Variants in NECTIN1 observed in about 807,000 individuals in gnomAD.
NECTIN1 encodes the protein nectin cell adhesion molecule 1, also known as nectin-1.
NECTIN1 carries 23 observed loss-of-function variants against 48.0 expected under a neutral mutation model. The ratio of observed to expected loss-of-function variants is 0.48; its 90% CI spans 0.34 to 0.68. The LOEUF is 0.68. Among genes scored for constraint, NECTIN1 ranks in the 30% least tolerant of loss-of-function variants. The pLI is 0.01. For synonymous variants in NECTIN1, 270 were observed against 288.9 expected (o/e 0.93, Z 0.66); for missense variants, 591 against 709.9 (o/e 0.83, Z 1.90).
chr11:119,638,215 C>A, exon 8 of NECTIN1: 1 of 1,614,006 alleles, frequency 6.2e-7, no homozygotes, highest in Non-Finnish European at 8.5e-7. Context: ...CCTCTTCTTG[C>A]TGCTGCTGCC....
In NECTIN1 at chr11:119,709,611, G is replaced by C. The variant is rs1865602074; in HGVS notation, c.79+18864C>G. On this transcript the variant is annotated intron_variant, in intron 1 of 5. Transcript: ENST00000264025. This position sits in a 1 kb window ranked among gnomAD's most constrained non-coding sequence, Gnocchi z 4.1. ...CTCTTGAATGGAAGCAGGGAGGGAGGGGAGCCCCGTGTGGGAAGCCTGAAA... is the reference window on the plus strand; with the variant it reads ...CTCTTGAATGGAAGCAGGGAGGGAGCGGAGCCCCGTGTGGGAAGCCTGAAA... Among the ~76,000 whole-genome samples, 1 of 152,158 alleles carries C rather than the reference G, an allele frequency of 6.6e-6. No individual in the cohort carries two copies. Among genetic ancestry groups the C allele is most frequent in the Non-Finnish European group, 1.5e-5 (1 of 68,020 alleles).
Position 119,675,159 on chromosome 11 carries a change from C to A in NECTIN1, c.1003G>T (p.Glu335Ter), listed in dbSNP as rs780285405. Residue 335 changes from glutamate to a stop codon, truncating the protein, a stop_gained and splice_region_variant, in exon 5 of 6, where the codon GAA becomes TAA. Transcript: ENST00000264025. LOFTEE classifies it high-confidence loss of function. ...GGCTGGGGAGGATGCAGCTTCCTAC[C>A]TGTGATATTGACCTCCACCTGGCCT... is the stretch of plus-strand genomic sequence containing the variant. ...RSGQVEVNIT[E>*]FPYTPSPPEH... is the part of the protein sequence containing the mutation. 6.2e-7 allele frequency: 1 copy of A among 1,614,146 alleles called. No homozygotes were observed. Among genetic ancestry groups the A allele is most frequent in the Non-Finnish European group, 8.5e-7 (1 of 1,180,034 alleles).
intron 1 of NECTIN1, among the ~76,000 whole-genome samples, chr11:119,720,260 C>G (rs76871469): frequency 0.013 from 2,022 of 152,354 alleles, 43 homozygotes; most frequent in African/African-American, 0.047. Flanking sequence ...CCACAAGACG[C>G]GGGGACTGAG....
intron 1 of NECTIN1, among the ~76,000 whole-genome samples, chr11:119,711,564 T>G (rs12279707): frequency 0.099 from 14,992 of 151,930 alleles, 2,477 homozygotes; most frequent in African/African-American, 0.34. Flanking sequence ...GCTCAGGTGC[T>G]GGGTGAGGGG....
At chr11:119,700,074 A>G (rs945173780) in intron 1 of NECTIN1, among the ~76,000 whole-genome samples, 44 of 152,180 alleles carry the variant, frequency 2.9e-4, no homozygotes, top group Admixed American at 1.9e-3. Context: ...CGTGTTCATG[A>G]TTCGAGGCCC....
At chr11:119,712,591 G>C (rs1331749129) in intron 1 of NECTIN1, among the ~76,000 whole-genome samples, 1 of 152,062 alleles carries the variant, frequency 6.6e-6, no homozygotes, top group African/African-American at 2.4e-5. Flanking sequence ...AAAAAAAAAG[G>C]GGAAGGAGGC....
chr11:119,660,948 G>T, downstream of NECTIN1: 1 of 921,224 alleles, frequency 1.1e-6, no homozygotes, highest in Non-Finnish European at 1.3e-6. Flanking sequence ...CGCCTTCCCC[G>T]CCCCCACTGC....
intron 4 of NECTIN1, among the ~76,000 whole-genome samples, chr11:119,676,277 C>T (rs1251299944): frequency 6.6e-6 from 1 of 152,210 alleles, no homozygotes; most frequent in Non-Finnish European, 1.5e-5. Flanking sequence ...TCTGTTGAAC[C>T]TAGCAGCTCC....
At chr11:119,725,785 C>T (rs1028800394) in intron 1 of NECTIN1, among the ~76,000 whole-genome samples, 1 of 152,136 alleles carries the variant, frequency 6.6e-6, no homozygotes, top group African/African-American at 2.4e-5. Flanking sequence ...GGTGTGTGTT[C>T]TCTTTCCAGA....
chr11:119,642,839 C>T (rs1347481838), intron 5 of NECTIN1: 1 of 153,686 alleles, frequency 6.5e-6, no homozygotes, highest in Non-Finnish European at 1.5e-5. Flanking sequence ...TGTAATACTG[C>T]ATTATTTAGG....
downstream of NECTIN1, among the ~76,000 whole-genome samples, chr11:119,659,777 G>A (rs537084456): frequency 3.3e-5 from 5 of 152,276 alleles, no homozygotes; most frequent in South Asian, 2.1e-4. Flanking sequence ...TTGCCGGAAC[G>A]CTCTAGTTAA....
At chr11:119,726,419 G>T (rs1372651029) in intron 1 of NECTIN1, among the ~76,000 whole-genome samples, 8 of 152,204 alleles carry the variant, frequency 5.3e-5, no homozygotes, top group Non-Finnish European at 1.5e-5. Flanking sequence ...GAGCTGGGCG[G>T]TCCGGGAACT....
chr11:119,657,465 A>G (rs2135536599), downstream of NECTIN1, among the ~76,000 whole-genome samples: 1 of 152,128 alleles, frequency 6.6e-6, no homozygotes, highest in African/African-American at 2.4e-5. Context: ...AATACAAAAA[A>G]TTAGCTGGGC....
intron 1 of NECTIN1, among the ~76,000 whole-genome samples, chr11:119,721,342 G>C (rs1433145863): frequency 1.3e-5 from 2 of 152,214 alleles, no homozygotes; most frequent in Non-Finnish European, 2.9e-5. Context: ...AGGACTTTGT[G>C]GGGAGGGACT....
At position 119,694,114 on chromosome 11, in the gene NECTIN1, A is replaced by G. The variant is rs553490331; in HGVS notation, c.80-15349T>C. 3.9e-5 allele frequency among the ~76,000 whole-genome samples: 6 copies of G among 152,308 alleles called. No homozygotes were observed. In the East Asian group the frequency reaches 9.7e-4, roughly 25 times the overall value. On this transcript the variant is annotated intron_variant, in intron 1 of 5. Transcript: ENST00000264025. ...GCATTGGTCAGCTAGCAGCTCTGAG[A>G]CAGGGACTGTCTGCTCTTGACTCCC...
At chr11:119,685,950 G>A (rs534714785) in intron 1 of NECTIN1, among the ~76,000 whole-genome samples, 2 of 152,264 alleles carry the variant, frequency 1.3e-5, no homozygotes, top group African/African-American at 2.4e-5. Flanking sequence ...AGCTCACTCT[G>A]ACCCAGCTGT....
chr11:119,657,785 G>A (rs1248791955), downstream of NECTIN1, among the ~76,000 whole-genome samples: 1 of 132,312 alleles, frequency 7.6e-6, no homozygotes, highest in Non-Finnish European at 1.6e-5. Flanking sequence ...TACTAGCTGG[G>A]CATGGTGGCA....
intron 5 of NECTIN1, among the ~76,000 whole-genome samples, chr11:119,654,898 ATTTATTT>A (rs990472352): frequency 7.3e-5 from 11 of 151,520 alleles, no homozygotes; most frequent in East Asian, 1.9e-4. Context: ...ATAGACTTAC[ATTTATTT>A]TTTATTTTTT....
At chr11:119,711,315 A>G (rs1330474564) in intron 1 of NECTIN1, among the ~76,000 whole-genome samples, 1 of 151,824 alleles carries the variant, frequency 6.6e-6, no homozygotes, top group African/African-American at 2.4e-5. Context: ...ATTTGAACCC[A>G]GGAGGCAGAG....
Sources: allele counts gnomAD v4.1 joint callset (sites outside exome capture counted in the v4.1 genomes callset), GRCh38; gene constraint gnomAD v4.1.1; non-coding constraint Gnocchi (gnomAD v3.1); transcripts MANE v1.5; gene names NCBI Gene and HGNC (gene_info 2026-07-23, HGNC 2026-07-21).